PIK3C2G: variants seen among roughly 807,000 people sequenced by gnomAD.
PIK3C2G encodes phosphatidylinositol-4-phosphate 3-kinase catalytic subunit type 2 gamma.
PIK3C2G carries 168 observed loss-of-function variants against 181.1 expected under a neutral mutation model. That is an observed-to-expected ratio of 0.93 (90% CI 0.82 to 1.05). PIK3C2G has a LOEUF of 1.05. PIK3C2G is among the 50% of genes least tolerant of loss of function. The pLI, the probability that PIK3C2G is intolerant of heterozygous loss-of-function variation, is 0.00. For missense variants in PIK3C2G, 1,869 were observed against 1,732.8 expected (o/e 1.08, Z -1.40); for synonymous variants, 573 against 592.2 (o/e 0.97, Z 0.47).
At chr12:18,523,926 C>T (rs1053930784) in intron 24 of PIK3C2G, among the ~76,000 whole-genome samples, 1 of 152,216 alleles carries the variant, frequency 6.6e-6, no homozygotes, top group African/African-American at 2.4e-5. Flanking sequence ...GGGAAGCTGT[C>T]TAAGGATTGG....
chr12:18,694,144 T>C, the PIK3C2G span: 1 of 805,560 alleles, frequency 1.2e-6, no homozygotes, highest in Non-Finnish European at 2.0e-6. Flanking sequence ...GATTTCTCAG[T>C]CCCTGAAAGG....
chr12:18,586,350 G>C (rs2136449938), intron 29 of PIK3C2G, among the ~76,000 whole-genome samples: 1 of 152,182 alleles, frequency 6.6e-6, no homozygotes, highest in African/African-American at 2.4e-5. Context: ...GAAGAAAAGA[G>C]AGAAGATCCA....
the PIK3C2G span, among the ~76,000 whole-genome samples, chr12:18,710,510 G>T: frequency 2.6e-5 from 4 of 151,964 alleles, no homozygotes; most frequent in African/African-American, 7.2e-5. Flanking sequence ...TTTATTTTGA[G>T]TGAGGCCGAA....
In PIK3C2G at chr12:18,303,115, C is replaced by CTTCTTTCTTTTTCTTTCT. The variant is rs1950254313; in HGVS notation, c.1034+9110_1034+9111insTTCTTTCTTTCTTTCTTT. Among the ~76,000 whole-genome samples the CTTCTTTCTTTTTCTTTCT allele has an allele frequency of 2.9e-5, 4 of 136,604 alleles. 1 individual carries two copies. The Admixed American group carries it at 3.0e-4, about 10-fold the overall frequency. 89.6% of individuals were successfully genotyped at this position (136,604 alleles called of 152,430 possible). A position where few individuals can be genotyped will look rare whatever the true frequency, so the allele number is the denominator to read the frequency against. ...TCTTTTCTTTCTCTTTCTTTCTTTC[C>CTTCTTTCTTTTTCTTTCT]TTCTTTCTTTCTTTCTTTCTTTCTT... On this transcript the variant is annotated intron_variant, in intron 5 of 32. Transcript: ENST00000538779.
chr12:18,503,685 G>A (rs1941649689), intron 23 of PIK3C2G, among the ~76,000 whole-genome samples: 3 of 151,978 alleles, frequency 2.0e-5, no homozygotes, highest in Non-Finnish European at 4.4e-5. Flanking sequence ...TCTTACACCA[G>A]AAACAATAAC....
At chr12:18,242,978 C>T (rs1028406464), upstream of PIK3C2G, among the ~76,000 whole-genome samples, 4 of 152,032 alleles carry the variant, frequency 2.6e-5, no homozygotes, top group African/African-American at 7.2e-5. Context: ...AAACACGAAA[C>T]GAGCCTCTGA....
chr12:18,562,229 T>G (rs1292299633), intron 26 of PIK3C2G, among the ~76,000 whole-genome samples: 4 of 152,166 alleles, frequency 2.6e-5, no homozygotes, highest in Non-Finnish European at 5.9e-5. Flanking sequence ...CCTCCCGGGT[T>G]CACGCCATTC....
intron 32 of PIK3C2G, among the ~76,000 whole-genome samples, chr12:18,645,028 C>T (rs554884384): frequency 5.9e-5 from 9 of 152,110 alleles, no homozygotes; most frequent in South Asian, 2.1e-4. Flanking sequence ...TTCTATTAGA[C>T]GTAATAATTC....
chr12:18,295,607 A>T (rs1174529208), intron 5 of PIK3C2G, among the ~76,000 whole-genome samples: 1 of 152,052 alleles, frequency 6.6e-6, no homozygotes, highest in African/African-American at 2.4e-5. Flanking sequence ...TAATAAATGT[A>T]CATGTTAATG....
At chr12:18,634,743 C>A (rs1472050786) in intron 31 of PIK3C2G, among the ~76,000 whole-genome samples, 2 of 152,162 alleles carry the variant, frequency 1.3e-5, no homozygotes, top group Admixed American at 6.5e-5. Context: ...TGGGCAATGA[C>A]AGGGTGACAG....
At chr12:18,625,764 A>G (rs1477299570) in intron 31 of PIK3C2G, among the ~76,000 whole-genome samples, 1 of 151,834 alleles carries the variant, frequency 6.6e-6, no homozygotes, top group Non-Finnish European at 1.5e-5. Context: ...CCCCTTTACC[A>G]TTATACAATG....
At chr12:18,338,383 T>C in intron 8 of PIK3C2G, 43 bp from the exon 9 acceptor site, 2 of 1,421,830 alleles carry the variant, frequency 1.4e-6, no homozygotes, top group Non-Finnish European at 1.9e-6. Context: ...TGTCCCCTCA[T>C]TTATTTCAAT....
chr12:18,619,146 TA>T lies in PIK3C2G; in HGVS notation c.4182+9522del, dbSNP rs1471650652. Among the ~76,000 whole-genome samples the T allele has an allele frequency of 1.3e-4, 20 of 151,638 alleles. 1 individual carries two copies. In the East Asian group the frequency reaches 3.1e-3, roughly 23 times the overall value. ...AAACTGCTGAAAACTAAAAACAATC[TA>T]AAAATATCTTGAAACAGAGAAAAAC... On this transcript the variant is annotated intron_variant, in intron 31 of 32. Coordinates refer to ENST00000538779, the MANE Select transcript of PIK3C2G (RefSeq NM_001288772.2).
intron 16 of PIK3C2G, among the ~76,000 whole-genome samples, chr12:18,405,397 G>GT (rs1944468869): frequency 7.2e-6 from 1 of 139,788 alleles, no homozygotes; most frequent in Non-Finnish European, 1.5e-5. Context: ...AGCAACATTT[G>GT]TGTTGTTGTT....
In PIK3C2G at chr12:18,280,437, T is replaced by C. The variant is rs568335175; in HGVS notation, c.-78-1567T>C. Among the ~76,000 whole-genome samples, 12 of 152,108 alleles carry C rather than the reference T, an allele frequency of 7.9e-5. No homozygotes were observed. In the South Asian group the frequency reaches 2.3e-3, roughly 29 times the overall value. On this transcript the variant is annotated intron_variant, in intron 1 of 32. Transcript: ENST00000538779. ...AATAATATTTCAATTAAATCCTGAA[T>C]GATGAAAAAGAATTAGCAAGGCAAG... is the stretch of plus-strand genomic sequence containing the variant.
intron 16 of PIK3C2G, among the ~76,000 whole-genome samples, chr12:18,405,071 A>T (rs558185440): frequency 1.3e-5 from 2 of 152,204 alleles, no homozygotes; most frequent in South Asian, 2.1e-4. Flanking sequence ...GGGAAACTTG[A>T]TAGATAATTG....
At chr12:18,652,888 T>C (rs778658278), downstream of PIK3C2G, among the ~76,000 whole-genome samples, 17 of 152,092 alleles carry the variant, frequency 1.1e-4, no homozygotes, top group Admixed American at 1.3e-4. Flanking sequence ...ATTGAACATA[T>C]ACATATATAT....
the PIK3C2G span, among the ~76,000 whole-genome samples, chr12:18,679,060 G>A: frequency 2.0e-5 from 3 of 152,122 alleles, no homozygotes; most frequent in Admixed American, 6.6e-5. Flanking sequence ...GTGTTAAGTT[G>A]CCTTTCTCTG....
intron 18 of PIK3C2G, among the ~76,000 whole-genome samples, chr12:18,483,433 A>G (rs1939745525): frequency 1.3e-5 from 2 of 152,226 alleles, no homozygotes; most frequent in Admixed American, 1.3e-4. Context: ...TAGTAATAAA[A>G]TAACAACAGA....
Sources: gnomAD v4.1 joint callset for allele counts (sites outside exome capture counted in the v4.1 genomes callset) on GRCh38, gnomAD v4.1.1 for gene constraint, MANE v1.5 for transcripts, NCBI Gene and HGNC (gene_info 2026-07-23, HGNC 2026-07-21) for gene names.